Variants in NCOA1 observed in about 807,000 individuals in gnomAD.
NCOA1 encodes the protein Hin-2 protein.
Under a neutral mutation model 150.9 loss-of-function variants are expected in NCOA1, and 35 were observed. The ratio of observed to expected loss-of-function variants is 0.23; its 90% CI spans 0.18 to 0.31. NCOA1 has a LOEUF of 0.31. Ranked by LOEUF, NCOA1 falls within the 10% of genes least tolerant of loss-of-function variation. The probability of loss-of-function intolerance (pLI) is 1.00; values close to 1 mark genes in which losing one functional copy is unlikely to be tolerated. For missense variants in NCOA1, 1,491 were observed against 1,749.3 expected, an observed-to-expected ratio of 0.85 and a Z score of 2.63; for synonymous variants, 590 against 630.0, an observed-to-expected ratio of 0.94 and a Z score of 0.95.
intron 1 of NCOA1, among the ~76,000 whole-genome samples, chr2:24,529,187 A>C (rs1300928111): frequency 2.0e-5 from 3 of 152,210 alleles, no homozygotes; most frequent in Non-Finnish European, 4.4e-5. Context: ...TGCCGGCCTG[A>C]TGAAGAGTTT....
At chr2:24,617,816 A>T (rs1223546261) in intron 3 of NCOA1, among the ~76,000 whole-genome samples, 1 of 152,196 alleles carries the variant, frequency 6.6e-6, no homozygotes, top group Non-Finnish European at 1.5e-5. Flanking sequence ...ACCAAAAAAC[A>T]AAAAATTGGA....
chr2:24,727,968 AT>A (rs1317595868), intron 15 of NCOA1, among the ~76,000 whole-genome samples: 2 of 152,136 alleles, frequency 1.3e-5, no homozygotes, highest in African/African-American at 4.8e-5. Flanking sequence ...AGGCTAAATG[AT>A]TTTTTCTCAG....
chr2:24,750,995 C>CTT (rs200504475), intron 19 of NCOA1, among the ~76,000 whole-genome samples: 11 of 142,358 alleles, frequency 7.7e-5, no homozygotes, highest in South Asian at 4.5e-4. Flanking sequence ...TTTTCTTTTT[C>CTT]TTTTTTTTTT....
intron 16 of NCOA1, 140 bp from the exon 17 acceptor site, chr2:24,729,361 T>C (rs1662870000): frequency 2.5e-6 from 2 of 788,294 alleles, no homozygotes; most frequent in Non-Finnish European, 4.0e-6. Context: ...GCAGCTTTTA[T>C]AAATGATTTC....
chr2:24,707,511 A>G lies in NCOA1; in HGVS notation c.2041A>G (p.Ser681Gly). 1 of 1,614,140 alleles carries G rather than the reference A, an allele frequency of 6.2e-7. No homozygotes were observed. Among genetic ancestry groups the G allele is most frequent in the Non-Finnish European group, 8.5e-7 (1 of 1,180,020 alleles). Residue 681 changes from serine (S) to glycine (G), a missense_variant, in exon 13 of 23, where the codon AGC (serine) becomes GGC (glycine). Ser to Gly is a moderately conservative substitution (Grantham distance 56, BLOSUM62 0). Around this residue, in one of 8 missense-constraint regions of NCOA1, gnomAD observed 703 missense variants for 717.7 expected, o/e 0.98. Transcript: ENST00000348332. ...SSGGSCPSSH[S>G]SLTERHKILH... is the part of the protein sequence containing the mutation. ...AGGAGGTTCTTGTCCCTCTTCTCAT[A>G]GCTCATTGACAGAACGGCATAAAAT...
intron 21 of NCOA1, among the ~76,000 whole-genome samples, chr2:24,759,229 G>T (rs1664654952): frequency 6.6e-6 from 1 of 152,134 alleles, no homozygotes; most frequent in African/African-American, 2.4e-5. Context: ...GGCCATATGT[G>T]TTTCTGTCAG....
Position 24,525,990 on chromosome 2 carries a change from C to T in NCOA1, c.-396+34388C>T, listed in dbSNP as rs112901355. On this transcript the variant is annotated intron_variant, in intron 1 of 22. Coordinates refer to ENST00000348332, the MANE Select transcript of NCOA1 (RefSeq NM_003743.5). ...TCAGGCTTAAGATACTTGATGACTG[C>T]TTTGATGTCTGTATTTGAAGATCAA... Among the ~76,000 whole-genome samples the T allele has an allele frequency of 1.1e-3, 161 of 152,242 alleles. 1 individual carries two copies. Among genetic ancestry groups the T allele is most frequent in the African/African-American group, 3.6e-3 (149 of 41,542 alleles).
At chr2:24,533,373 C>A (rs953121152) in intron 1 of NCOA1, among the ~76,000 whole-genome samples, 1 of 152,094 alleles carries the variant, frequency 6.6e-6, no homozygotes, top group Non-Finnish European at 1.5e-5. Flanking sequence ...TTCTAAATAT[C>A]CAATCATGTC....
intron 7 of NCOA1, among the ~76,000 whole-genome samples, chr2:24,674,974 C>T (rs180964200): frequency 1.6e-4 from 24 of 152,318 alleles, no homozygotes; most frequent in Admixed American, 1.5e-3. Flanking sequence ...ACTGACCACT[C>T]ATTCCCACTA....
chr2:24,715,986 T>C (rs1384779127), intron 14 of NCOA1, among the ~76,000 whole-genome samples: 1 of 151,662 alleles, frequency 6.6e-6, no homozygotes, highest in African/African-American at 2.4e-5. Flanking sequence ...ACTAAAAAAA[T>C]ACAAAAAATT....
intron 3 of NCOA1, among the ~76,000 whole-genome samples, chr2:24,613,417 C>T (rs1385896120): frequency 6.6e-6 from 1 of 152,178 alleles, no homozygotes; most frequent in Non-Finnish European, 1.5e-5. Context: ...TGAGTGGGGC[C>T]AGGCCACCTA....
chr2:24,675,046 G>T (rs1306042062), intron 7 of NCOA1, among the ~76,000 whole-genome samples: 1 of 152,020 alleles, frequency 6.6e-6, no homozygotes, highest in Admixed American at 6.6e-5. Flanking sequence ...TTACTCCTCA[G>T]CCTTTTTCTC....
At chr2:24,509,126 A>C (rs1034396565) in intron 1 of NCOA1, among the ~76,000 whole-genome samples, 1 of 152,240 alleles carries the variant, frequency 6.6e-6, no homozygotes, top group Non-Finnish European at 1.5e-5. Flanking sequence ...AGCAGCAGCT[A>C]CATTCACTTA....
intron 3 of NCOA1, among the ~76,000 whole-genome samples, chr2:24,591,630 C>T (rs1167207435): frequency 6.6e-6 from 1 of 151,866 alleles, no homozygotes; most frequent in African/African-American, 2.4e-5. Flanking sequence ...TTAGTCTTTC[C>T]TTCAATCCCT....
intron 19 of NCOA1, 104 bp from the exon 20 acceptor site, chr2:24,751,878 A>G: frequency 9.2e-7 from 1 of 1,091,614 alleles, no homozygotes. Flanking sequence ...CAAATAAGAA[A>G]GTTATTTGTA....
intron 4 of NCOA1, among the ~76,000 whole-genome samples, chr2:24,646,149 A>G (rs1670464164): frequency 6.6e-6 from 1 of 152,216 alleles, no homozygotes; most frequent in Non-Finnish European, 1.5e-5. Context: ...AACATTAAAA[A>G]CAATTTCAAA....
intron 3 of NCOA1, among the ~76,000 whole-genome samples, chr2:24,632,569 C>T (rs150448435): frequency 5.3e-5 from 8 of 152,280 alleles, no homozygotes; most frequent in Non-Finnish European, 1.2e-4. Flanking sequence ...ATTTCCAATG[C>T]TCAGAACCCC....
intron 7 of NCOA1, among the ~76,000 whole-genome samples, chr2:24,680,059 G>T (rs1008579281): frequency 6.6e-6 from 1 of 152,188 alleles, no homozygotes; most frequent in East Asian, 1.9e-4. Flanking sequence ...TCTGTTGGCA[G>T]ACACTTAGCT....
At chr2:24,512,651 T>A (rs1663982783) in intron 1 of NCOA1, among the ~76,000 whole-genome samples, 1 of 152,216 alleles carries the variant, frequency 6.6e-6, no homozygotes, top group Non-Finnish European at 1.5e-5. Context: ...GATAGTTTTT[T>A]TGTTTTTCCT....
Sources: gnomAD v4.1 joint callset for allele counts (sites outside exome capture counted in the v4.1 genomes callset) on GRCh38, gnomAD v4.1.1 for gene constraint, gnomAD v4.1.1 regional missense constraint, MANE v1.5 for transcripts, NCBI Gene and HGNC (gene_info 2026-07-23, HGNC 2026-07-21) for gene names.